The following DNAH14 variants were observed in gnomAD, a reference collection of about 807,000 sequenced individuals.
The protein encoded by DNAH14 is axonemal beta dynein heavy chain 14.
In DNAH14, 478 loss-of-function variants were observed where a neutral mutation model predicts 520.9. The ratio of observed to expected loss-of-function variants is 0.92; its 90% CI spans 0.85 to 0.99. The LOEUF (loss-of-function observed/expected upper bound fraction) is 0.99, where lower values mean the gene tolerates loss of function less well. Ranked by LOEUF, DNAH14 falls within the 50% of genes least tolerant of loss-of-function variation. DNAH14 has a pLI of 0.00. For missense variants in DNAH14, 4,831 were observed against 5,234.5 expected (o/e 0.92, Z 2.38); for synonymous variants, 1,581 against 1,757.2 (o/e 0.90, Z 2.51).
intron 84 of DNAH14, chr1:225,397,945 G>A (rs919036942): frequency 6.6e-6 from 1 of 151,430 alleles, no homozygotes; most frequent in Non-Finnish European, 1.5e-5. Flanking sequence ...TACTCAGGAG[G>A]CTGAAGTGGG....
At position 225,322,734 on chromosome 1, in the gene DNAH14, C is replaced by A; in HGVS notation, c.9406C>A (p.Pro3136Thr). The change falls in exon 62 of 86, where the codon CCT becomes ACT. Residue 3136 changes from proline (P) to threonine (T), a missense_variant. Coordinates refer to ENST00000682510, the MANE Select transcript of DNAH14 (RefSeq NM_001367479.1). The part of the protein sequence containing the change: ...NAVCILLQKK[P>T]NWATAKLLLS... ...AGTGTGTATTCTTCTGCAAAAGAAA[C>A]CTAACTGGGCAACGGCAAAGTTACT... 3 of 1,551,528 alleles carry A rather than the reference C, an allele frequency of 1.9e-6. No individual in the cohort carries two copies. Among genetic ancestry groups the A allele is most frequent in the Non-Finnish European group, 2.6e-6 (3 of 1,146,914 alleles).
In DNAH14 at chr1:225,340,528, A is replaced by G. The variant is rs1033756314; in HGVS notation, c.10505A>G (p.Asn3502Ser). ...PSVYNFVTMI[N>S]FTVTFQGLQD... Reference sequence around the variant, plus strand: ...GTTTATAACTTTGTTACTATGATCAACTTCACTGTAACATTCCAAGGTTTG... The same window carrying G: ...GTTTATAACTTTGTTACTATGATCAGCTTCACTGTAACATTCCAAGGTTTG... Residue 3502 changes from asparagine (N) to serine (S), a missense_variant, in exon 69 of 86, where the codon AAC becomes AGC. By Grantham distance (46) the Asn-to-Ser change is conservative. Coordinates refer to ENST00000682510, the MANE Select transcript of DNAH14 (RefSeq NM_001367479.1). The G allele has an allele frequency of 7.7e-6, 12 of 1,551,410 alleles. No individual in the cohort carries two copies. Among genetic ancestry groups the G allele is most frequent in the East Asian group, 2.4e-5 (1 of 40,848 alleles).
At chr1:225,202,208 G>A (rs1370584431) in intron 38 of DNAH14, among the ~76,000 whole-genome samples, 3 of 152,180 alleles carry the variant, frequency 2.0e-5, no homozygotes, top group South Asian at 2.1e-4. Context: ...AGCATCAGCT[G>A]TGGTAGTATG....
At chr1:225,273,284 T>C (rs1558229155) in intron 52 of DNAH14, among the ~76,000 whole-genome samples, 159 bp downstream of exon 52, 1 of 151,910 alleles carries the variant, frequency 6.6e-6, no homozygotes, top group Non-Finnish European at 1.5e-5. Context: ...ACAAAAAAAT[T>C]AGCCGGGCGT....
intron 43 of DNAH14, among the ~76,000 whole-genome samples, chr1:225,247,828 G>T (rs540155625): frequency 6.6e-6 from 1 of 152,152 alleles, no homozygotes; most frequent in South Asian, 2.1e-4. Flanking sequence ...AGACCTCCTG[G>T]CTAACACAGT....
At chr1:225,351,316 G>A (rs745451611) in intron 71 of DNAH14, among the ~76,000 whole-genome samples, 2 of 152,140 alleles carry the variant, frequency 1.3e-5, no homozygotes, top group African/African-American at 2.4e-5. Flanking sequence ...ACTTGGAACC[G>A]GGAAGCAAAT....
chr1:225,280,280 C>T (rs939640008), intron 54 of DNAH14, among the ~76,000 whole-genome samples: 4 of 151,956 alleles, frequency 2.6e-5, no homozygotes, highest in African/African-American at 9.7e-5. Flanking sequence ...AAATAATGCC[C>T]CAATACATTA....
At chr1:225,351,467 G>A (rs1001211595) in intron 71 of DNAH14, among the ~76,000 whole-genome samples, 180 bp from the exon 72 acceptor site, 4 of 151,784 alleles carry the variant, frequency 2.6e-5, no homozygotes, top group Non-Finnish European at 4.4e-5. Flanking sequence ...TACCTCTTAC[G>A]TAATTTTTAT....
intron 43 of DNAH14, among the ~76,000 whole-genome samples, chr1:225,244,446 C>T (rs1349065021): frequency 6.6e-6 from 1 of 152,066 alleles, no homozygotes; most frequent in African/African-American, 2.4e-5. Flanking sequence ...CCTCTTTGTA[C>T]CTCTGGTAGA....
chr1:225,205,089 T>G (rs1161710636), intron 39 of DNAH14, among the ~76,000 whole-genome samples: 1 of 152,174 alleles, frequency 6.6e-6, no homozygotes, highest in Non-Finnish European at 1.5e-5. Context: ...GACCTATTCA[T>G]ACCTCCCCTA....
rs2095481537 is a variant in DNAH14 at position 225,360,563 on chromosome 1, G to T, written c.11777-118G>T. The T allele has an allele frequency of 6.1e-6, 6 of 983,006 alleles. No homozygotes were observed. The East Asian group carries it at 1.6e-4, about 26-fold the overall frequency. 60.9% of individuals were successfully genotyped at this position (983,006 alleles called of 1,614,324 possible). On this transcript the variant is annotated intron_variant, in intron 74 of 85. Transcript: ENST00000682510. ...CTGGGCTCTAATTTCAAAACCTGTA[G>T]TCTTTCCGCTATGACTATACCTTTT...
intron 51 of DNAH14, 147 bp downstream of exon 51, chr1:225,272,220 G>A: frequency 1.4e-6 from 1 of 736,460 alleles, no homozygotes; most frequent in Non-Finnish European, 2.1e-6. Context: ...TGAGTTAGTT[G>A]AAGAAAAAAT....
At chr1:225,312,555 C>T (rs1168787256) in intron 60 of DNAH14, among the ~76,000 whole-genome samples, 1 of 152,088 alleles carries the variant, frequency 6.6e-6, no homozygotes, top group African/African-American at 2.4e-5. Context: ...AGCTTTTGCC[C>T]ATTCGGTATG....
At chr1:225,290,219 T>C (rs951671398) in intron 55 of DNAH14, 137 bp downstream of exon 55, 53 of 579,188 alleles carry the variant, frequency 9.2e-5, no homozygotes, top group Admixed American at 6.6e-4. Flanking sequence ...TCAGTTTTCT[T>C]GCAGTATTCT....
At chr1:225,079,619 T>C in intron 18 of DNAH14, 71 bp downstream of exon 18, 30 of 1,166,418 alleles carry the variant, frequency 2.6e-5, no homozygotes, top group Non-Finnish European at 3.4e-5. Context: ...AGTCCAGGCA[T>C]TTGGGTATTT....
Position 225,240,686 on chromosome 1 carries a change from A to C in DNAH14, c.6612A>C (p.Gly2204=), listed in dbSNP as rs764403901. 6.4e-7 allele frequency: 1 copy of C among 1,551,058 alleles called. No individual in the cohort carries two copies. Among genetic ancestry groups the C allele is most frequent in the South Asian group, 1.2e-5 (1 of 84,024 alleles). Residue 2204 remains glycine (G), a synonymous_variant, in exon 43 of 86, where the codon GGA becomes GGC. Coordinates refer to ENST00000682510, the MANE Select transcript of DNAH14 (RefSeq NM_001367479.1). ...LFVFAFTWAF[G]GALNREDEHR... ...TGTTTGCCTTTACTTGGGCATTTGG[A>C]GGAGCTTTAAACCGTGAAGATGAAC...
intron 64 of DNAH14, among the ~76,000 whole-genome samples, 155 bp from the exon 65 acceptor site, chr1:225,331,282 A>T (rs2094792215): frequency 6.6e-6 from 1 of 152,320 alleles, no homozygotes; most frequent in African/African-American, 2.4e-5. Flanking sequence ...CATTTCTACA[A>T]TGTCCATTTT....
chr1:225,043,105 A>G lies in DNAH14; in HGVS notation c.1759A>G (p.Ile587Val), dbSNP rs371575718. The G allele has an allele frequency of 6.7e-5, 104 of 1,549,934 alleles. No individual in the cohort carries two copies. Among genetic ancestry groups the G allele is most frequent in the Middle Eastern group, 1.8e-4 (1 of 5,466 alleles). The part of the protein sequence containing the change: ...SKEISYNLED[I>V]ISDTEIETEF... ...AGAAATTAGTTACAATCTTGAAGAT[A>G]TTATTTCAGGTAAGACAATTGAGAC... The change falls in exon 13 of 86, where the codon ATT (isoleucine) becomes GTT (valine). Residue 587 changes from isoleucine (I) to valine (V), a missense_variant. Transcript: ENST00000682510.
intron 27 of DNAH14, among the ~76,000 whole-genome samples, chr1:225,129,313 A>G (rs1573346892): frequency 6.6e-6 from 1 of 152,266 alleles, no homozygotes; most frequent in East Asian, 1.9e-4. Context: ...ATTGGAAAAA[A>G]CTACTTTAAA....
Sources: allele counts gnomAD v4.1 joint callset (sites outside exome capture counted in the v4.1 genomes callset), GRCh38; gene constraint gnomAD v4.1.1; transcripts MANE v1.5; gene names NCBI Gene and HGNC (gene_info 2026-07-23, HGNC 2026-07-21).